Variants in LHFPL2 observed in about 807,000 individuals in gnomAD.
LHFPL2 encodes the protein LHFPL tetraspan subfamily member 2 protein.
LHFPL2 carries 7 observed loss-of-function variants against 17.5 expected under a neutral mutation model. That is an observed-to-expected ratio of 0.40 (90% CI 0.23 to 0.75). The LOEUF is 0.75. LHFPL2 is among the 30% of genes least tolerant of loss of function. The pLI, the probability that LHFPL2 is intolerant of heterozygous loss-of-function variation, is 0.37. For missense variants in LHFPL2, 241 were observed against 294.8 expected (o/e 0.82, Z 1.34); for synonymous variants, 134 against 116.2 (o/e 1.15, Z -0.99).
chr5:78,592,621 TACAC>T lies in LHFPL2; in HGVS notation c.-244-27754_-244-27751del, dbSNP rs3068900. Among the ~76,000 whole-genome samples, 36 of 129,604 alleles carry T rather than the reference TACAC, an allele frequency of 2.8e-4. No individual in the cohort carries two copies. In the East Asian group the frequency reaches 6.7e-3, roughly 24 times the overall value. 85.0% of individuals were successfully genotyped at this position (129,604 alleles called of 152,430 possible). ...TCTTCAACTTAGTGAAAAATTCAGA[TACAC>T]ACACACACACACACATTACTCTTCA... is the stretch of plus-strand genomic sequence containing the variant. On this transcript the variant is annotated intron_variant, in intron 2 of 4. Coordinates refer to ENST00000380345, the MANE Select transcript of LHFPL2 (RefSeq NM_005779.3).
chr5:78,636,831 C>T (rs1016506426), intron 1 of LHFPL2, among the ~76,000 whole-genome samples: 2 of 152,116 alleles, frequency 1.3e-5, no homozygotes, highest in Admixed American at 6.6e-5. Flanking sequence ...TAACAAAGGC[C>T]TCTCTGATTT....
chr5:78,609,035 G>C (rs1380819740), intron 2 of LHFPL2, among the ~76,000 whole-genome samples: 1 of 151,956 alleles, frequency 6.6e-6, no homozygotes, highest in African/African-American at 2.4e-5. Flanking sequence ...GCAAGAGTTT[G>C]TCAACCTGCA....
At chr5:78,627,403 G>C (rs1266171788) in intron 2 of LHFPL2, among the ~76,000 whole-genome samples, 1 of 152,090 alleles carries the variant, frequency 6.6e-6, no homozygotes, top group Admixed American at 6.5e-5. Flanking sequence ...CCTCCCCACA[G>C]AAAGAAACCA....
intron 3 of LHFPL2, among the ~76,000 whole-genome samples, chr5:78,532,391 G>C (rs1755810470): frequency 6.6e-6 from 1 of 152,046 alleles, no homozygotes; most frequent in Non-Finnish European, 1.5e-5. Flanking sequence ...CTTTTCTCCT[G>C]CTAAGAGATG....
intron 2 of LHFPL2, among the ~76,000 whole-genome samples, chr5:78,584,363 T>G (rs962042064): frequency 2.6e-5 from 4 of 152,224 alleles, no homozygotes; most frequent in African/African-American, 9.7e-5. Context: ...GGCGCCCTGC[T>G]TTTTAGAGTT....
In LHFPL2 at chr5:78,510,239, T is replaced by A; in HGVS notation, c.-26A>T. On this transcript the variant is annotated 5_prime_UTR_variant, in exon 4 of 5. Coordinates refer to ENST00000380345, the MANE Select transcript of LHFPL2 (RefSeq NM_005779.3). ...ATTGATGTTCCGGGCGAAGAAAGAG[T>A]CAGGAGTCCACGGAGTTAATCAAAA... 3 of 1,555,146 alleles carry A rather than the reference T, an allele frequency of 1.9e-6. No homozygotes were observed. Among genetic ancestry groups the A allele is most frequent in the Non-Finnish European group, 2.6e-6 (3 of 1,148,724 alleles).
Position 78,566,455 on chromosome 5 carries a change from T to A in LHFPL2, c.-244-1584A>T, listed in dbSNP as rs141635843. ...TCATAAAGTCCTTTGTTATAACAGT[T>A]AAGGAAACTAAGACTTTTTTTTTTT... On this transcript the variant is annotated intron_variant, in intron 2 of 4. Coordinates refer to ENST00000380345, the MANE Select transcript of LHFPL2 (RefSeq NM_005779.3). 1.7e-4 allele frequency among the ~76,000 whole-genome samples: 25 copies of A among 150,942 alleles called. No homozygotes were observed. The East Asian group carries it at 3.5e-3, about 21-fold the overall frequency.
intron 4 of LHFPL2, among the ~76,000 whole-genome samples, chr5:78,495,290 C>T (rs1490028184): frequency 1.3e-5 from 2 of 152,140 alleles, no homozygotes; most frequent in Non-Finnish European, 2.9e-5. Flanking sequence ...GACCAACCCA[C>T]CCTCTCCACA....
intron 2 of LHFPL2, among the ~76,000 whole-genome samples, chr5:78,616,985 C>G (rs1345307850): frequency 6.6e-6 from 1 of 152,192 alleles, no homozygotes; most frequent in Non-Finnish European, 1.5e-5. Flanking sequence ...TGTCACAAGT[C>G]CCTTTTAATG....
At chr5:78,598,272 A>C (rs1220632899) in intron 2 of LHFPL2, among the ~76,000 whole-genome samples, 12 of 152,336 alleles carry the variant, frequency 7.9e-5, no homozygotes, top group African/African-American at 2.9e-4. Flanking sequence ...TCTTTGTGAA[A>C]CTGGTTTTTG....
At chr5:78,645,553 C>T (rs886413677) in intron 1 of LHFPL2, among the ~76,000 whole-genome samples, 83 of 119,684 alleles carry the variant, frequency 6.9e-4, no homozygotes, top group Middle Eastern at 4.5e-3. Flanking sequence ...TACACACACA[C>T]ACACACACAC....
chr5:78,521,894 G>A (rs376848053), intron 3 of LHFPL2, among the ~76,000 whole-genome samples: 9 of 152,152 alleles, frequency 5.9e-5, no homozygotes, highest in South Asian at 2.1e-4. Flanking sequence ...GACCTTCTAC[G>A]GCTGGCTATG....
intron 1 of LHFPL2, among the ~76,000 whole-genome samples, chr5:78,647,221 G>A (rs192938120): frequency 6.6e-6 from 1 of 152,060 alleles, no homozygotes; most frequent in African/African-American, 2.4e-5. Flanking sequence ...CTCTTCCCGC[G>A]AACATGTGTT....
chr5:78,485,719 G>A lies in LHFPL2; in HGVS notation c.*3178C>T, dbSNP rs976780591. 1.2e-4 allele frequency: 18 copies of A among 152,600 alleles called. No homozygotes were observed. Among genetic ancestry groups the A allele is most frequent in the African/African-American group, 4.1e-4 (17 of 41,432 alleles). The allele number at this position is 152,600 out of a possible 1,614,324, so 9.5% of individuals were successfully genotyped here. On this transcript the variant is annotated 3_prime_UTR_variant, in exon 5 of 5. Transcript: ENST00000380345. The stretch of plus-strand genomic sequence containing the variant: ...GCATGTTAAGAAATAGCTCCTCAGT[G>A]ATTATGTACCAGCTACTAGTTATCC...
chr5:78,648,443 G>A lies in LHFPL2; in HGVS notation c.-350+56C>T, dbSNP rs1197989771. 6.6e-6 allele frequency: 1 copy of A among 151,708 alleles called. No individual in the cohort carries two copies. Among genetic ancestry groups the A allele is most frequent in the Admixed American group, 6.6e-5 (1 of 15,222 alleles). The allele number at this position is 151,708 out of a possible 1,614,324, so 9.4% of individuals were successfully genotyped here. On this transcript the variant is annotated intron_variant, in intron 1 of 4. Coordinates refer to ENST00000380345, the MANE Select transcript of LHFPL2 (RefSeq NM_005779.3). The surrounding 1 kb of genome is among the most constrained non-coding windows in gnomAD (Gnocchi z 5.4). ...GCCCGCGCGGGGCGCCCACCTGGCC[G>A]GGCCCACCGGCTCTCCCCTCCCGCA...
intron 4 of LHFPL2, among the ~76,000 whole-genome samples, chr5:78,495,126 G>A (rs541858276): frequency 6.6e-6 from 1 of 152,342 alleles, no homozygotes; most frequent in Admixed American, 6.5e-5. Context: ...GCTAGATGTT[G>A]CTGCATACAG....
chr5:78,548,025 G>A (rs755842746), intron 3 of LHFPL2, among the ~76,000 whole-genome samples: 5 of 152,274 alleles, frequency 3.3e-5, no homozygotes, highest in Non-Finnish European at 5.9e-5. Context: ...GCACTCGGGA[G>A]GATCCCGAGG....
At chr5:78,632,119 G>T (rs1179590179) in intron 2 of LHFPL2, 145 bp downstream of exon 2, 1 of 152,138 alleles carries the variant, frequency 6.6e-6, no homozygotes, top group Non-Finnish European at 1.5e-5. Context: ...ATCTTTATCA[G>T]GCCACTCACA....
At chr5:78,633,856 C>T (rs935143260) in intron 1 of LHFPL2, among the ~76,000 whole-genome samples, 1 of 152,138 alleles carries the variant, frequency 6.6e-6, no homozygotes, top group African/African-American at 2.4e-5. Flanking sequence ...GCATGCTTCT[C>T]CTTTTAGACA....
Sources: gnomAD v4.1 joint callset for allele counts (sites outside exome capture counted in the v4.1 genomes callset) on GRCh38, gnomAD v4.1.1 for gene constraint, Gnocchi (gnomAD v3.1) non-coding constraint, MANE v1.5 for transcripts, NCBI Gene and HGNC (gene_info 2026-07-23, HGNC 2026-07-21) for gene names.